Variants in PDE4B observed in about 807,000 individuals in gnomAD.
The protein encoded by PDE4B is 3',5'-cyclic-AMP phosphodiesterase 4B.
A neutral mutation model predicts 82.2 loss-of-function variants in PDE4B; 20 were observed. That is an observed-to-expected ratio of 0.24 (90% CI 0.17 to 0.35). PDE4B has a LOEUF of 0.35. Among genes scored for constraint, PDE4B ranks in the 10% least tolerant of loss-of-function variants. The probability of loss-of-function intolerance (pLI) is 1.00; values close to 1 mark genes in which losing one functional copy is unlikely to be tolerated. For synonymous variants in PDE4B, 320 were observed against 318.9 expected, an observed-to-expected ratio of 1.00 and a Z score of -0.04; for missense variants, 655 against 907.2, an observed-to-expected ratio of 0.72 and a Z score of 3.57.
At chr1:65,974,837 G>A (rs1333633266) in intron 3 of PDE4B, among the ~76,000 whole-genome samples, 1 of 152,060 alleles carries the variant, frequency 6.6e-6, no homozygotes, top group Non-Finnish European at 1.5e-5. Flanking sequence ...CATGCTTCCT[G>A]TACATCCTGT....
At chr1:65,993,229 T>A in intron 3 of PDE4B, 1 of 1,029,868 alleles carries the variant, frequency 9.7e-7, no homozygotes, top group Non-Finnish European at 1.4e-6. Context: ...ATGGAACATT[T>A]GAGTTTTGTT....
At chr1:65,936,971 T>G (rs940973543) in intron 3 of PDE4B, among the ~76,000 whole-genome samples, 2 of 152,206 alleles carry the variant, frequency 1.3e-5, no homozygotes, top group African/African-American at 4.8e-5. Flanking sequence ...ATAGAATTAT[T>G]ATCAGCCTCA....
At chr1:65,861,935 TAAG>T (rs1384438499) in intron 1 of PDE4B, among the ~76,000 whole-genome samples, 1 of 152,176 alleles carries the variant, frequency 6.6e-6, no homozygotes, top group African/African-American at 2.4e-5. Context: ...CTTATCAGCT[TAAG>T]GAGTTTTTGG....
At chr1:65,896,177 G>C (rs1450667050) in intron 1 of PDE4B, among the ~76,000 whole-genome samples, 1 of 152,004 alleles carries the variant, frequency 6.6e-6, no homozygotes, top group African/African-American at 2.4e-5. Flanking sequence ...ATTTAAAAAA[G>C]AAAGAGGTTT....
At chr1:66,062,139 T>C (rs1396041313) in intron 3 of PDE4B, among the ~76,000 whole-genome samples, 1 of 152,090 alleles carries the variant, frequency 6.6e-6, no homozygotes, top group Non-Finnish European at 1.5e-5. Flanking sequence ...GCTGATATTC[T>C]ATATCCCAAG....
At chr1:66,241,963 T>A (rs1343957199) in intron 3 of PDE4B, among the ~76,000 whole-genome samples, 1 of 152,176 alleles carries the variant, frequency 6.6e-6, no homozygotes, top group Non-Finnish European at 1.5e-5. Flanking sequence ...TTAACAAATA[T>A]TTGTTATGTG....
At chr1:65,922,245 C>A (rs1044641584) in intron 3 of PDE4B, among the ~76,000 whole-genome samples, 1 of 152,074 alleles carries the variant, frequency 6.6e-6, no homozygotes, top group South Asian at 2.1e-4. Flanking sequence ...ACTTCAAAAT[C>A]ATGTGGAAAA....
intron 3 of PDE4B, among the ~76,000 whole-genome samples, chr1:66,190,164 C>G (rs902416766): frequency 1.3e-5 from 2 of 152,152 alleles, no homozygotes; most frequent in African/African-American, 4.8e-5. Context: ...TGGTGAACAG[C>G]AAATGTTGCT....
chr1:66,087,974 T>C (rs531229991), intron 3 of PDE4B, among the ~76,000 whole-genome samples: 14 of 151,712 alleles, frequency 9.2e-5, no homozygotes, highest in Admixed American at 2.6e-4. Context: ...CATGTGTAAC[T>C]AACCTGCACA....
At chr1:66,026,574 T>G (rs926818732) in intron 3 of PDE4B, among the ~76,000 whole-genome samples, 8 of 152,138 alleles carry the variant, frequency 5.3e-5, no homozygotes, top group Non-Finnish European at 2.9e-5. Flanking sequence ...AATTTATGGG[T>G]TTGTTGTGAG....
intron 7 of PDE4B, among the ~76,000 whole-genome samples, chr1:66,301,810 A>T (rs751789929): frequency 6.6e-6 from 1 of 152,168 alleles, no homozygotes; most frequent in Non-Finnish European, 1.5e-5. Flanking sequence ...CATGCGAGTT[A>T]TAAAGACCTT....
At chr1:65,977,136 G>C (rs1650450472) in intron 3 of PDE4B, among the ~76,000 whole-genome samples, 1 of 152,136 alleles carries the variant, frequency 6.6e-6, no homozygotes, top group Non-Finnish European at 1.5e-5. Flanking sequence ...TTATATGCTA[G>C]AATTCCTTGA....
chr1:66,257,723 T>A (rs202164809), intron 5 of PDE4B, 40 bp downstream of exon 5: 3 of 1,610,902 alleles, frequency 1.9e-6, no homozygotes, highest in Non-Finnish European at 2.5e-6. Flanking sequence ...TCACTGTCGC[T>A]GGTTTCTAAG....
intron 1 of PDE4B, among the ~76,000 whole-genome samples, chr1:65,818,687 T>C (rs182826322): frequency 0.024 from 3,305 of 136,858 alleles, 120 homozygotes; most frequent in African/African-American, 0.087. Flanking sequence ...CACACACACA[T>C]ATATATATAT....
intron 3 of PDE4B, among the ~76,000 whole-genome samples, chr1:65,954,956 A>G (rs1201715061): frequency 1.3e-5 from 2 of 152,090 alleles, no homozygotes; most frequent in African/African-American, 4.8e-5. Flanking sequence ...CTAGATTGTT[A>G]GTGTTTTTAT....
chr1:66,257,574 A>T, intron 4 of PDE4B, 73 bp from the exon 5 acceptor site: 1 of 1,300,224 alleles, frequency 7.7e-7, no homozygotes, highest in Non-Finnish European at 1.1e-6. Context: ...GATAAAATTT[A>T]ATATTATAGC....
intron 3 of PDE4B, among the ~76,000 whole-genome samples, chr1:66,068,572 G>T (rs1198594472): frequency 6.6e-6 from 1 of 151,824 alleles, no homozygotes; most frequent in Non-Finnish European, 1.5e-5. Flanking sequence ...CATAATCCTG[G>T]ATTGGGGCAA....
At chr1:65,993,518 AT>A (rs957386899) in intron 3 of PDE4B, among the ~76,000 whole-genome samples, 24 of 152,256 alleles carry the variant, frequency 1.6e-4, no homozygotes, top group African/African-American at 5.8e-4. Context: ...TAAAAAAATA[AT>A]TTTGGGACAT....
intron 3 of PDE4B, among the ~76,000 whole-genome samples, chr1:66,243,737 T>TAC (rs1345306125): frequency 6.6e-6 from 1 of 152,154 alleles, no homozygotes; most frequent in African/African-American, 2.4e-5. Flanking sequence ...GAACACTAGA[T>TAC]ACAATGCAAG....
Sources: gnomAD v4.1 joint callset for allele counts (sites outside exome capture counted in the v4.1 genomes callset) on GRCh38, gnomAD v4.1.1 for gene constraint, MANE v1.5 for transcripts, NCBI Gene and HGNC (gene_info 2026-07-23, HGNC 2026-07-21) for gene names.